Variants in CLASP1 observed in about 807,000 individuals in gnomAD.
CLASP1 encodes the protein CLIP-associating protein 1.
Under a neutral mutation model 192.3 loss-of-function variants are expected in CLASP1, and 38 were observed. That is an observed-to-expected ratio of 0.20 (90% CI 0.15 to 0.26). The LOEUF (loss-of-function observed/expected upper bound fraction) is 0.26, where lower values mean the gene tolerates loss of function less well. CLASP1 is among the 10% of genes least tolerant of loss of function. The pLI is 1.00. For missense variants in CLASP1, 1,433 were observed against 1,932.5 expected (o/e 0.74, Z 4.85); for synonymous variants, 691 against 712.8 (o/e 0.97, Z 0.49).
chr2:121,559,936 T>G (rs937175369), intron 2 of CLASP1, among the ~76,000 whole-genome samples: 1 of 152,142 alleles, frequency 6.6e-6, no homozygotes, highest in Non-Finnish European at 1.5e-5. Flanking sequence ...TGTGGTATCC[T>G]GGACTGGATC....
intron 2 of CLASP1, among the ~76,000 whole-genome samples, chr2:121,555,988 C>CTTTTTTTTTTTTTTTT (rs34423741): frequency 1.4e-4 from 6 of 42,394 alleles, no homozygotes; most frequent in African/African-American, 2.2e-4. Context: ...CTACCCACCG[C>CTTTTTTTTTTTTTTTT]TTTTTTTTTT....
At chr2:121,406,850 C>CAG (rs2076980605) in intron 25 of CLASP1, among the ~76,000 whole-genome samples, 1 of 152,138 alleles carries the variant, frequency 6.6e-6, no homozygotes. Context: ...CCTGGCCTCT[C>CAG]AAAGTGCTGG....
intron 1 of CLASP1, among the ~76,000 whole-genome samples, chr2:121,628,543 G>A (rs1290093107): frequency 2.0e-5 from 3 of 151,858 alleles, no homozygotes; most frequent in Non-Finnish European, 4.4e-5. Context: ...AGGCATGGTG[G>A]TGCACGCCTG....
At chr2:121,601,055 T>C (rs2105869798) in intron 2 of CLASP1, among the ~76,000 whole-genome samples, 1 of 152,286 alleles carries the variant, frequency 6.6e-6, no homozygotes, top group African/African-American at 2.4e-5. Flanking sequence ...GACATTGCCT[T>C]AACTACTACT....
intron 19 of CLASP1, chr2:121,445,018 C>G: frequency 8.6e-7 from 1 of 1,167,092 alleles, no homozygotes. Context: ...TAGTAACATT[C>G]AAAAAATTAA....
At chr2:121,542,591 G>A (rs970400053) in intron 2 of CLASP1, among the ~76,000 whole-genome samples, 7 of 152,224 alleles carry the variant, frequency 4.6e-5, no homozygotes, top group Non-Finnish European at 8.8e-5. Context: ...CTTCAAAGCA[G>A]TCACCTAGGA....
Position 121,460,138 on chromosome 2 carries a change from A to AC in CLASP1, c.1033-14_1033-13insG. On this transcript the variant is annotated splice_polypyrimidine_tract_variant and intron_variant, in intron 11 of 39. Coordinates refer to ENST00000263710, the Ensembl canonical transcript of CLASP1. The stretch of plus-strand genomic sequence containing the variant: ...TAATCTTTTTTAGCTAATGGAATAG[A>AC]GAAAATTCAGAAAAATAGAAAACAA... The AC allele has an allele frequency of 6.3e-7, 1 of 1,599,144 alleles. No homozygotes were observed. The highest frequency in any genetic ancestry group is 1.1e-5 in the South Asian group (1 of 89,770).
chr2:121,552,839 G>A (rs1230388619), intron 2 of CLASP1, among the ~76,000 whole-genome samples: 2 of 152,102 alleles, frequency 1.3e-5, no homozygotes, highest in Non-Finnish European at 2.9e-5. Flanking sequence ...CCCATTACTG[G>A]GTATATACCC....
intron 1 of CLASP1, among the ~76,000 whole-genome samples, chr2:121,632,465 C>T (rs1257237720): frequency 1.3e-5 from 2 of 151,598 alleles, no homozygotes; most frequent in African/African-American, 4.9e-5. Flanking sequence ...ACTAAATGTT[C>T]ATCAATAGAG....
In CLASP1 at chr2:121,606,092, T is replaced by C. The variant is rs554161541; in HGVS notation, c.-197A>G. ...AGCTGGTAGGATATTAAAAGTCCAA[T>C]TTAAATAACTAGTAGGAGATAAAGG... is the stretch of plus-strand genomic sequence containing the variant. On this transcript the variant is annotated 5_prime_UTR_variant, in exon 2 of 40. Coordinates refer to ENST00000263710, the Ensembl canonical transcript of CLASP1. 1,011 of 579,734 alleles carry C rather than the reference T, an allele frequency of 1.7e-3. 8 individuals are homozygous for C. The highest frequency in any genetic ancestry group is 0.011 in the South Asian group (489 of 44,972). 35.9% of individuals were successfully genotyped at this position (579,734 alleles called of 1,614,324 possible).
At chr2:121,611,732 TGGA>T (rs1363374593) in intron 1 of CLASP1, among the ~76,000 whole-genome samples, 2 of 118,508 alleles carry the variant, frequency 1.7e-5, no homozygotes, top group Non-Finnish European at 3.6e-5. Flanking sequence ...GAGGAGGTGT[TGGA>T]GGAGTTACAG....
At chr2:121,451,035 T>G in intron 15 of CLASP1, 45 bp from the exon 16 acceptor site, 2 of 1,296,544 alleles carry the variant, frequency 1.5e-6, no homozygotes, top group African/African-American at 1.5e-5. Context: ...AAATGTATGG[T>G]TTGATGCAAG....
Position 121,541,073 on chromosome 2 carries a change from A to T in CLASP1, c.196-10748T>A, listed in dbSNP as rs150976738. On this transcript the variant is annotated intron_variant, in intron 2 of 39. Coordinates refer to ENST00000263710, the Ensembl canonical transcript of CLASP1. Reference sequence around the variant, plus strand: ...AATTAGAGCAGTGGGAGTGATGCTGACCACTAGACCTATAAGTTTATAACA... The same window carrying T: ...AATTAGAGCAGTGGGAGTGATGCTGTCCACTAGACCTATAAGTTTATAACA... 3.9e-5 allele frequency among the ~76,000 whole-genome samples: 6 copies of T among 152,328 alleles called. No individual in the cohort carries two copies. In the East Asian group the frequency reaches 1.2e-3, roughly 29 times the overall value.
intron 1 of CLASP1, among the ~76,000 whole-genome samples, chr2:121,639,037 G>A (rs1229258504): frequency 2.0e-5 from 3 of 152,180 alleles, no homozygotes; most frequent in African/African-American, 7.2e-5. Flanking sequence ...AGCACTTTGG[G>A]AGGCTGAGGT....
chr2:121,529,639 A>T (rs1478656995), intron 3 of CLASP1, among the ~76,000 whole-genome samples: 1 of 152,242 alleles, frequency 6.6e-6, no homozygotes, highest in Non-Finnish European at 1.5e-5. Flanking sequence ...TAAATCTATG[A>T]AATCTGTGGG....
At chr2:121,469,732 C>T (rs1045640799) in intron 9 of CLASP1, 76 bp downstream of exon 9, 2 of 1,441,422 alleles carry the variant, frequency 1.4e-6, no homozygotes, top group Admixed American at 2.4e-5. Flanking sequence ...AGGGCCACCA[C>T]AGGCAAGTAC....
chr2:121,616,175 G>C (rs1336336637), intron 1 of CLASP1, among the ~76,000 whole-genome samples: 1 of 152,036 alleles, frequency 6.6e-6, no homozygotes, highest in Admixed American at 6.6e-5. Context: ...GGCCAGGTGC[G>C]GTCGCTCACG....
At chr2:121,592,079 C>A (rs1249550318) in intron 2 of CLASP1, among the ~76,000 whole-genome samples, 2 of 152,158 alleles carry the variant, frequency 1.3e-5, no homozygotes, top group Non-Finnish European at 2.9e-5. Context: ...CTTTTTACTC[C>A]AATGCTGTCT....
intron 2 of CLASP1, 74 bp downstream of exon 2, chr2:121,605,627 T>C (rs763224510): frequency 3.5e-6 from 4 of 1,138,830 alleles, no homozygotes; most frequent in Admixed American, 3.8e-5. Context: ...CACAAGGGAT[T>C]TTTATAAGGG....
Sources: allele counts gnomAD v4.1 joint callset (sites outside exome capture counted in the v4.1 genomes callset), GRCh38; gene constraint gnomAD v4.1.1; transcripts MANE v1.5; gene names NCBI Gene and HGNC (gene_info 2026-07-23, HGNC 2026-07-21).